Variants in FIGN observed in about 807,000 individuals in gnomAD.
FIGN encodes the protein fidgetin, microtubule severing factor.
In FIGN, 11 loss-of-function variants were observed where a neutral mutation model predicts 51.3. The observed-to-expected ratio is 0.21, with a 90% CI of 0.13 to 0.35. The LOEUF is 0.35. Among genes scored for constraint, FIGN ranks in the 10% least tolerant of loss-of-function variants. The probability of loss-of-function intolerance (pLI) is 1.00; values close to 1 mark genes in which losing one functional copy is unlikely to be tolerated. For missense variants in FIGN, 857 were observed against 943.6 expected (o/e 0.91, Z 1.20); for synonymous variants, 407 against 363.2 (o/e 1.12, Z -1.37).
chr2:163,629,448 CATT>C (rs1425687386), intron 2 of FIGN, among the ~76,000 whole-genome samples: 3 of 152,002 alleles, frequency 2.0e-5, no homozygotes, highest in Non-Finnish European at 4.4e-5. Flanking sequence ...AGATGGCAAG[CATT>C]AGAGGATTTT....
intron 2 of FIGN, among the ~76,000 whole-genome samples, chr2:163,729,646 C>T (rs764537435): frequency 6.6e-6 from 1 of 152,034 alleles, no homozygotes; most frequent in African/African-American, 2.4e-5. Flanking sequence ...AAACGTTTAA[C>T]CTTGGGCCTT....
intron 2 of FIGN, among the ~76,000 whole-genome samples, chr2:163,699,988 A>G (rs185871809): frequency 6.6e-6 from 1 of 152,108 alleles, no homozygotes; most frequent in African/African-American, 2.4e-5. Flanking sequence ...TTACCCTATG[A>G]CTGACTGTAT....
At chr2:163,618,409 CA>C (rs1203362542) in intron 2 of FIGN, among the ~76,000 whole-genome samples, 1 of 147,456 alleles carries the variant, frequency 6.8e-6, no homozygotes, top group Non-Finnish European at 1.5e-5. Flanking sequence ...TTGCATAAAA[CA>C]ATGCTTTTTT....
At chr2:163,653,079 GTAT>G (rs1337790613) in intron 2 of FIGN, among the ~76,000 whole-genome samples, 1 of 152,088 alleles carries the variant, frequency 6.6e-6, no homozygotes. Flanking sequence ...ATGACCTCTG[GTAT>G]TATAATTCAC....
chr2:163,605,777 CTT>C lies in FIGN; in HGVS notation c.*3773_*3774del, dbSNP rs1419153797. ...CATGAGAATGTGAGTACAGAAGTCT[CTT>C]TCTGCTTGGAGTTGGATACATTTTT... On this transcript the variant is annotated 3_prime_UTR_variant, in exon 3 of 3. Coordinates refer to ENST00000333129, the MANE Select transcript of FIGN (RefSeq NM_018086.4). The C allele has an allele frequency of 2.0e-5, 3 of 151,970 alleles. No individual in the cohort carries two copies. The highest frequency in any genetic ancestry group is 2.0e-4 in the Admixed American group (3 of 15,228). The allele number at this position is 151,970 out of a possible 1,614,324, so 9.4% of individuals were successfully genotyped here.
At chr2:163,633,600 C>T (rs1683182043) in intron 2 of FIGN, among the ~76,000 whole-genome samples, 1 of 152,176 alleles carries the variant, frequency 6.6e-6, no homozygotes, top group Non-Finnish European at 1.5e-5. Context: ...GTCTTTCTAA[C>T]TAGCATTGAC....
At position 163,610,982 on chromosome 2, in the gene FIGN, G is replaced by A; in HGVS notation, c.850C>T (p.Pro284Ser). 6 of 1,613,804 alleles carry A rather than the reference G, an allele frequency of 3.7e-6. No individual in the cohort carries two copies. The highest frequency in any genetic ancestry group is 1.1e-5 in the South Asian group (1 of 91,086). ...CCAGGAACAGTGGTGGGGGGTAGGGGGGTGGGAGCAGGAATTCCTGAAGGC... is the reference window on the plus strand; with the variant it reads ...CCAGGAACAGTGGTGGGGGGTAGGGAGGTGGGAGCAGGAATTCCTGAAGGC... ...YLPSGIPAPT[P>S]LPPTTVPGYT... Residue 284 changes from proline to serine, a missense_variant, in exon 3 of 3, where the codon CCC becomes TCC. Around this residue, in one of 3 missense-constraint regions of FIGN, gnomAD observed 799 missense variants for 849.5 expected, o/e 0.94. Coordinates refer to ENST00000333129, the MANE Select transcript of FIGN (RefSeq NM_018086.4).
intron 2 of FIGN, among the ~76,000 whole-genome samples, chr2:163,651,186 G>A (rs1318846868): frequency 2.0e-5 from 3 of 152,142 alleles, no homozygotes; most frequent in African/African-American, 2.4e-5. Context: ...CTGATAGGCC[G>A]GGTGCGGTGG....
At chr2:163,690,116 A>T (rs1684217334) in intron 2 of FIGN, among the ~76,000 whole-genome samples, 1 of 152,190 alleles carries the variant, frequency 6.6e-6, no homozygotes. Context: ...ATGAAAGAAC[A>T]GTTACCAATG....
chr2:163,717,247 C>T (rs1018456471), intron 2 of FIGN, among the ~76,000 whole-genome samples: 6 of 152,026 alleles, frequency 3.9e-5, no homozygotes, highest in Admixed American at 6.6e-5. Context: ...AGGTTAACTA[C>T]GGAATTGAGA....
At chr2:163,613,057 TAA>T (rs1330368940) in intron 2 of FIGN, among the ~76,000 whole-genome samples, 2 of 152,104 alleles carry the variant, frequency 1.3e-5, no homozygotes, top group Non-Finnish European at 2.9e-5. Flanking sequence ...TTTTAAATTG[TAA>T]AGAGACTTTA....
intron 2 of FIGN, among the ~76,000 whole-genome samples, chr2:163,643,435 G>A (rs1683333638): frequency 6.6e-6 from 1 of 152,126 alleles, no homozygotes; most frequent in Admixed American, 6.6e-5. Flanking sequence ...TGGATAACTT[G>A]AGGTCAGGAG....
intron 2 of FIGN, among the ~76,000 whole-genome samples, chr2:163,729,030 C>G (rs955337387): frequency 6.6e-6 from 1 of 152,134 alleles, no homozygotes; most frequent in Non-Finnish European, 1.5e-5. Context: ...TGAGATGTTA[C>G]TATTTCCAAG....
intron 2 of FIGN, among the ~76,000 whole-genome samples, chr2:163,676,728 A>G (rs1683976364): frequency 6.6e-6 from 1 of 152,002 alleles, no homozygotes. Context: ...TTTTATTTAC[A>G]CAGATAGCCA....
intron 2 of FIGN, among the ~76,000 whole-genome samples, chr2:163,654,867 A>G (rs953479894): frequency 6.6e-6 from 1 of 152,166 alleles, no homozygotes; most frequent in Non-Finnish European, 1.5e-5. Flanking sequence ...TAAAAAAAGA[A>G]GTTGTAAATG....
chr2:163,699,896 A>G (rs553869349), intron 2 of FIGN, among the ~76,000 whole-genome samples: 1 of 152,300 alleles, frequency 6.6e-6, no homozygotes, highest in South Asian at 2.1e-4. Context: ...TCTGATATCT[A>G]CTTAAAGTTT....
intron 2 of FIGN, among the ~76,000 whole-genome samples, chr2:163,671,047 T>C (rs1470703536): frequency 6.6e-6 from 1 of 152,166 alleles, no homozygotes; most frequent in Non-Finnish European, 1.5e-5. Flanking sequence ...TATAACACGG[T>C]GATTCCCATT....
At chr2:163,682,377 G>A (rs182384660) in intron 2 of FIGN, among the ~76,000 whole-genome samples, 3 of 146,862 alleles carry the variant, frequency 2.0e-5, no homozygotes, top group Admixed American at 6.7e-5. Context: ...ATAGCCGCAG[G>A]CAATCCAGTA....
At chr2:163,618,239 A>G (rs941536694) in intron 2 of FIGN, among the ~76,000 whole-genome samples, 64 of 152,218 alleles carry the variant, frequency 4.2e-4, no homozygotes, top group African/African-American at 1.4e-3. Context: ...GTTGAAGACT[A>G]GTTAAAACTC....
Sources: gnomAD v4.1 joint callset for allele counts (sites outside exome capture counted in the v4.1 genomes callset) on GRCh38, gnomAD v4.1.1 for gene constraint, gnomAD v4.1.1 regional missense constraint, MANE v1.5 for transcripts, NCBI Gene and HGNC (gene_info 2026-07-23, HGNC 2026-07-21) for gene names.